The following AMPH variants were observed in gnomAD, a reference collection of about 807,000 sequenced individuals.
The protein encoded by AMPH is amphiphysin, also known as amphiphysin (Stiff-Mann syndrome with breast cancer 128kD autoantigen).
A neutral mutation model predicts 99.1 loss-of-function variants in AMPH; 49 were observed. That is an observed-to-expected ratio of 0.49 (90% confidence interval 0.39 to 0.63). AMPH has a LOEUF of 0.63. AMPH is among the 20% of genes least tolerant of loss of function. The pLI is 0.00. For synonymous variants in AMPH, 314 were observed against 317.3 expected, an observed-to-expected ratio of 0.99 and a Z score of 0.11; for missense variants, 759 against 863.4, an observed-to-expected ratio of 0.88 and a Z score of 1.52.
chr7:38,439,814 C>T (rs1786431895), intron 11 of AMPH, among the ~76,000 whole-genome samples: 1 of 152,076 alleles, frequency 6.6e-6, no homozygotes, highest in Non-Finnish European at 1.5e-5. Context: ...GTGTCTTCTA[C>T]TTGGGACATC....
intron 1 of AMPH, among the ~76,000 whole-genome samples, chr7:38,610,276 G>A (rs1018768805): frequency 0.02 from 154 of 7,658 alleles, no homozygotes; most frequent in Middle Eastern, 0.048. Context: ...AAGAAAGAAA[G>A]AAAGAAAGAA....
intron 11 of AMPH, among the ~76,000 whole-genome samples, chr7:38,452,886 A>G (rs974240029): frequency 1.4e-4 from 22 of 152,266 alleles, no homozygotes; most frequent in African/African-American, 5.1e-4. Flanking sequence ...TTATAGCTAC[A>G]GAGGAACAAG....
intron 2 of AMPH, among the ~76,000 whole-genome samples, chr7:38,528,037 T>TAA (rs1790254324): frequency 6.6e-6 from 1 of 152,200 alleles, no homozygotes; most frequent in Admixed American, 6.5e-5. Flanking sequence ...GTTTATATGG[T>TAA]AAATTACATT....
At chr7:38,628,794 G>T (rs1483261760) in intron 1 of AMPH, among the ~76,000 whole-genome samples, 1 of 152,064 alleles carries the variant, frequency 6.6e-6, no homozygotes, top group Non-Finnish European at 1.5e-5. Flanking sequence ...CAGCCTTGTG[G>T]TTTTTTTCTG....
At chr7:38,420,521 G>GA (rs1357993217) in intron 16 of AMPH, among the ~76,000 whole-genome samples, 1 of 152,198 alleles carries the variant, frequency 6.6e-6, no homozygotes, top group Non-Finnish European at 1.5e-5. Flanking sequence ...ATCCTTTACA[G>GA]ATATTGGTGG....
intron 20 of AMPH, among the ~76,000 whole-genome samples, chr7:38,385,214 A>G (rs1031171067): frequency 6.6e-6 from 1 of 152,240 alleles, no homozygotes; most frequent in African/African-American, 2.4e-5. Flanking sequence ...TAGTTAATTG[A>G]TATTAACTGG....
At chr7:38,490,845 A>G (rs1788691382) in intron 5 of AMPH, among the ~76,000 whole-genome samples, 1 of 152,228 alleles carries the variant, frequency 6.6e-6, no homozygotes, top group African/African-American at 2.4e-5. Flanking sequence ...GAAGCAGTTC[A>G]CTAAAAGCGA....
At chr7:38,459,061 G>T (rs562947592) in intron 11 of AMPH, among the ~76,000 whole-genome samples, 1 of 151,816 alleles carries the variant, frequency 6.6e-6, no homozygotes, top group Non-Finnish European at 1.5e-5. Context: ...TACAAAAATC[G>T]GTAGCATTTC....
rs1019067733 is a variant in AMPH at position 38,575,678 on chromosome 7, C to T, written c.70-40667G>A. 2.6e-5 allele frequency among the ~76,000 whole-genome samples: 4 copies of T among 152,326 alleles called. No homozygotes were observed. In the East Asian group the frequency reaches 5.8e-4, roughly 22 times the overall value. ...ATAAGTGTCCTGAGGCCTCCCCAGC[C>T]ATGCTGAACTGTGAGTCAATTAAAC... On this transcript the variant is annotated intron_variant, in intron 1 of 20. Coordinates refer to ENST00000356264, the MANE Select transcript of AMPH (RefSeq NM_001635.4).
intron 1 of AMPH, among the ~76,000 whole-genome samples, chr7:38,586,867 A>G (rs1792669697): frequency 6.6e-6 from 1 of 152,256 alleles, no homozygotes; most frequent in Non-Finnish European, 1.5e-5. Flanking sequence ...AGATGAAGAA[A>G]CAGAGGTTTA....
chr7:38,431,357 G>C (rs1786014065), intron 13 of AMPH, among the ~76,000 whole-genome samples: 1 of 152,148 alleles, frequency 6.6e-6, no homozygotes, highest in Non-Finnish European at 1.5e-5. Flanking sequence ...GATGCTTAGA[G>C]AGTTTTAGAA....
chr7:38,621,497 T>A (rs1794060671), intron 1 of AMPH, among the ~76,000 whole-genome samples: 1 of 152,206 alleles, frequency 6.6e-6, no homozygotes, highest in African/African-American at 2.4e-5. Flanking sequence ...TAATAAAGCA[T>A]ATGAATTTAA....
chr7:38,430,343 T>A (rs1446175057), intron 13 of AMPH, among the ~76,000 whole-genome samples: 1 of 152,216 alleles, frequency 6.6e-6, no homozygotes, highest in Admixed American at 6.5e-5. Context: ...TATTAACCAG[T>A]CTGACTGCCT....
chr7:38,390,593 T>C (rs1302908014), intron 19 of AMPH, among the ~76,000 whole-genome samples: 1 of 152,188 alleles, frequency 6.6e-6, no homozygotes, highest in Non-Finnish European at 1.5e-5. Context: ...TTAAAGTGTG[T>C]ATTTTGCCAT....
intron 3 of AMPH, among the ~76,000 whole-genome samples, chr7:38,499,456 G>A (rs888529711): frequency 3.9e-5 from 6 of 152,150 alleles, no homozygotes; most frequent in Non-Finnish European, 8.8e-5. Flanking sequence ...CAGAATCCCA[G>A]TTTTGGGGCC....
At chr7:38,442,652 G>A (rs1786598534) in intron 11 of AMPH, among the ~76,000 whole-genome samples, 1 of 152,042 alleles carries the variant, frequency 6.6e-6, no homozygotes, top group African/African-American at 2.4e-5. Context: ...AACCTGAATG[G>A]AAATGAAAAC....
chr7:38,427,109 G>C, intron 14 of AMPH, 123 bp from the exon 15 acceptor site: 1 of 836,930 alleles, frequency 1.2e-6, no homozygotes, highest in Non-Finnish European at 1.9e-6. Flanking sequence ...AATACAAAAG[G>C]TTGCTGTGCA....
rs1785390670 is a variant in AMPH at position 38,416,498 on chromosome 7, T to C, written c.1398+1327A>G. On this transcript the variant is annotated intron_variant, in intron 17 of 20. Transcript: ENST00000356264. ...GCTGCTGTTCAAAATAGGGATTTGA[T>C]GAGAGCTTTTTCAGAATCAAAACAA... is the stretch of plus-strand genomic sequence containing the variant. 2.0e-5 allele frequency among the ~76,000 whole-genome samples: 3 copies of C among 152,340 alleles called. No individual in the cohort carries two copies. In the South Asian group the frequency reaches 6.2e-4, roughly 32 times the overall value.
intron 7 of AMPH, among the ~76,000 whole-genome samples, chr7:38,472,478 T>C (rs758936444): frequency 4.7e-4 from 71 of 152,184 alleles, no homozygotes; most frequent in Non-Finnish European, 1.0e-3. Flanking sequence ...TTAATTAATA[T>C]GATCTTTAGC....
Sources: gnomAD v4.1 joint callset for allele counts (sites outside exome capture counted in the v4.1 genomes callset) on GRCh38, gnomAD v4.1.1 for gene constraint, MANE v1.5 for transcripts, NCBI Gene and HGNC (gene_info 2026-07-23, HGNC 2026-07-21) for gene names.